NBEAL1: variants seen among roughly 807,000 people sequenced by gnomAD.
The protein encoded by NBEAL1 is neurobeachin like 1.
In NBEAL1, 273 loss-of-function variants were observed where a neutral mutation model predicts 351.3. The observed-to-expected ratio is 0.78, with a 90% CI of 0.70 to 0.86. The LOEUF (loss-of-function observed/expected upper bound fraction) is 0.86, where lower values mean the gene tolerates loss of function less well. Among genes scored for constraint, NBEAL1 ranks in the 40% least tolerant of loss-of-function variants. The pLI, the probability that NBEAL1 is intolerant of heterozygous loss-of-function variation, is 0.00. For synonymous variants in NBEAL1, 1,050 were observed against 1,086.4 expected (o/e 0.97, Z 0.66); for missense variants, 2,961 against 3,201.3 (o/e 0.92, Z 1.81).
intron 2 of NBEAL1, chr2:203,040,051 A>G (rs761377629): frequency 2.1e-5 from 14 of 661,930 alleles, no homozygotes; most frequent in Non-Finnish European, 3.7e-5. Flanking sequence ...AGAATATGTC[A>G]TTTAAAAAAT....
Position 203,220,761 on chromosome 2 carries a change from G to T in NBEAL1, c.*3407G>T, listed in dbSNP as rs2065945960. On this transcript the variant is annotated 3_prime_UTR_variant, in exon 56 of 56. Coordinates refer to ENST00000683969, the MANE Select transcript of NBEAL1 (RefSeq NM_001378026.1). Reference sequence around the variant, plus strand: ...AAATTGTAAGAGAGAAAGAAAAATAGATCAGGGCATAAAAATCAGGAAAGT... The same window carrying T: ...AAATTGTAAGAGAGAAAGAAAAATATATCAGGGCATAAAAATCAGGAAAGT... Among the ~76,000 whole-genome samples, 1 of 152,264 alleles carries T rather than the reference G, an allele frequency of 6.6e-6. No individual in the cohort carries two copies. Among genetic ancestry groups the T allele is most frequent in the East Asian group, 1.9e-4 (1 of 5,184 alleles).
At chr2:203,033,923 T>C (rs1256155941) in intron 2 of NBEAL1, among the ~76,000 whole-genome samples, 2 of 152,190 alleles carry the variant, frequency 1.3e-5, no homozygotes, top group Non-Finnish European at 2.9e-5. Context: ...CTTTGAAAAC[T>C]TTTTTGAGCA....
chr2:203,141,385 T>A (rs886206211), intron 31 of NBEAL1, among the ~76,000 whole-genome samples: 6 of 97,708 alleles, frequency 6.1e-5, no homozygotes, highest in African/African-American at 1.9e-4. Flanking sequence ...TTTTTTTTTT[T>A]TTTTTTTTTT....
At chr2:203,169,619 A>T (rs1316342954) in intron 38 of NBEAL1, 128 bp from the exon 39 acceptor site, 1 of 504,568 alleles carries the variant, frequency 2.0e-6, no homozygotes, top group East Asian at 4.0e-5. Flanking sequence ...AAAACAAAAC[A>T]AAACACACAA....
At chr2:203,131,226 A>AT (rs931830295) in intron 25 of NBEAL1, among the ~76,000 whole-genome samples, 3 of 152,084 alleles carry the variant, frequency 2.0e-5, no homozygotes, top group Non-Finnish European at 4.4e-5. Context: ...AAATTTGTTT[A>AT]TTTTTTTGAG....
At chr2:203,183,955 A>G (rs1237717004) in intron 44 of NBEAL1, among the ~76,000 whole-genome samples, 10 of 151,822 alleles carry the variant, frequency 6.6e-5, no homozygotes, top group Non-Finnish European at 1.5e-5. Context: ...GCGCATGCCT[A>G]TAATCTCAGC....
chr2:203,124,443 A>AAT (rs2062895715), intron 19 of NBEAL1, among the ~76,000 whole-genome samples: 2 of 152,192 alleles, frequency 1.3e-5, no homozygotes, highest in African/African-American at 2.4e-5. Context: ...TTTATTAGGG[A>AAT]GTTTTGTTAA....
chr2:203,066,704 C>T (rs531047312), intron 6 of NBEAL1, among the ~76,000 whole-genome samples: 18 of 149,398 alleles, frequency 1.2e-4, no homozygotes, highest in Admixed American at 7.3e-4. Context: ...CCAGATGGGG[C>T]GGCCGGGCAG....
intron 3 of NBEAL1, among the ~76,000 whole-genome samples, chr2:203,046,842 C>T (rs1037481022): frequency 6.6e-6 from 1 of 152,058 alleles, no homozygotes; most frequent in African/African-American, 2.4e-5. Flanking sequence ...GCATTCAGAC[C>T]ACAGCAGTTC....
Position 203,224,940 on chromosome 2 carries a change from TATA to T in NBEAL1, c.*7588_*7590del, listed in dbSNP as rs2065992566. ...TTCCTCATCCTTTTAAAATTAAATA[TATA>T]AGATGTATGTTTTGTTTTATTACAT... On this transcript the variant is annotated 3_prime_UTR_variant, in exon 56 of 56. Coordinates refer to ENST00000683969, the MANE Select transcript of NBEAL1 (RefSeq NM_001378026.1). Among the ~76,000 whole-genome samples, 1 of 152,178 alleles carries T rather than the reference TATA, an allele frequency of 6.6e-6. No individual in the cohort carries two copies. The highest frequency in any genetic ancestry group is 2.4e-5 in the African/African-American group (1 of 41,452).
chr2:203,030,974 T>G (rs1359336500), intron 2 of NBEAL1, among the ~76,000 whole-genome samples: 1 of 152,184 alleles, frequency 6.6e-6, no homozygotes, highest in Admixed American at 6.5e-5. Flanking sequence ...GTTGTTGCTA[T>G]CTCAGAAAAA....
intron 51 of NBEAL1, among the ~76,000 whole-genome samples, chr2:203,203,929 A>AT (rs2065473557): frequency 6.9e-6 from 1 of 144,492 alleles, no homozygotes; most frequent in East Asian, 2.0e-4. Context: ...TTTTTTTGTT[A>AT]TTTTTTGTTT....
rs908066241 is a variant in NBEAL1 at position 203,218,446 on chromosome 2, C to T, written c.*1092C>T. The T allele has an allele frequency of 6.6e-6, 1 of 152,050 alleles. No homozygotes were observed. The highest frequency in any genetic ancestry group is 1.9e-4 in the East Asian group (1 of 5,202). 9.4% of individuals were successfully genotyped at this position (152,050 alleles called of 1,614,324 possible). On this transcript the variant is annotated 3_prime_UTR_variant, in exon 56 of 56. Coordinates refer to ENST00000683969, the MANE Select transcript of NBEAL1 (RefSeq NM_001378026.1). Reference sequence around the variant, plus strand: ...TGTAAGATTATCTTTTGAGTTAGGTCAGAGAGCTTTTACAACTACCAGTGT... The same window carrying T: ...TGTAAGATTATCTTTTGAGTTAGGTTAGAGAGCTTTTACAACTACCAGTGT...
chr2:203,021,219 C>T (rs146856396), intron 2 of NBEAL1, among the ~76,000 whole-genome samples: 3,582 of 151,946 alleles, frequency 0.024, 147 homozygotes, highest in African/African-American at 0.082. Context: ...TGACCTCAGG[C>T]GATCCACCCT....
intron 6 of NBEAL1, among the ~76,000 whole-genome samples, chr2:203,067,027 C>T (rs1362575495): frequency 4.2e-5 from 5 of 119,838 alleles, no homozygotes; most frequent in Non-Finnish European, 5.1e-5. Context: ...GCAGAGACGC[C>T]CCTCACCTCC....
chr2:203,216,078 A>G (rs138391209), intron 55 of NBEAL1, among the ~76,000 whole-genome samples: 3 of 152,174 alleles, frequency 2.0e-5, no homozygotes, highest in Admixed American at 6.5e-5. Context: ...AGTAATTGCA[A>G]CAAACCATAG....
At chr2:203,190,747 A>G (rs2065048206) in intron 46 of NBEAL1, 4 of 1,607,314 alleles carry the variant, frequency 2.5e-6, no homozygotes, top group Non-Finnish European at 1.7e-6. Context: ...GTCGTCCCGA[A>G]TCCGGGTTCA....
rs1409387193 is a variant in NBEAL1, at chr2:203,157,748, G to T, written c.5637G>T (p.Val1879=). The change falls in exon 36 of 56, where the codon GTG becomes GTT. Residue 1879 remains valine, a synonymous_variant. Transcript: ENST00000683969. Reference sequence around the variant, plus strand: ...GTGATACATTGCTTTTGGAAGTAGTGAAACAAGTAAAAGTTAGTGATATGG... The same window carrying T: ...GTGATACATTGCTTTTGGAAGTAGTTAAACAAGTAAAAGTTAGTGATATGG... ...PSSDTLLLEV[V]KQVKVSDMVE... 6.3e-7 allele frequency: 1 copy of T among 1,598,848 alleles called. No individual in the cohort carries two copies. Among genetic ancestry groups the T allele is most frequent in the South Asian group, 1.1e-5 (1 of 88,090 alleles).
intron 34 of NBEAL1, among the ~76,000 whole-genome samples, chr2:203,150,095 C>T (rs891278063): frequency 2.6e-5 from 4 of 152,000 alleles, no homozygotes; most frequent in Non-Finnish European, 5.9e-5. Context: ...ATTACTGGGT[C>T]GTGTGATAAT....
Sources: allele counts gnomAD v4.1 joint callset (sites outside exome capture counted in the v4.1 genomes callset), GRCh38; gene constraint gnomAD v4.1.1; transcripts MANE v1.5; gene names NCBI Gene and HGNC (gene_info 2026-07-23, HGNC 2026-07-21).